Variants in SLC68A1 observed in about 807,000 individuals in gnomAD.
The protein encoded by SLC68A1 is major facilitator superfamily domain containing 13A.
chr10:102,470,819 GGCTTCCTGAC>G, the SLC68A1 span: 64 of 1,613,702 alleles, frequency 4.0e-5, no homozygotes, highest in Non-Finnish European at 5.2e-5. Context: ...CCTCTATGAT[GGCTTCCTGAC>G]GCTCGTGGAC....
At chr10:102,475,624 C>A in the SLC68A1 span, 5 of 1,399,244 alleles carry the variant, frequency 3.6e-6, no homozygotes, top group Non-Finnish European at 3.9e-6. Context: ...CTGGACACGT[C>A]CATGTGGTGT....
At chr10:102,475,718 C>T in the SLC68A1 span, 17 of 1,587,902 alleles carry the variant, frequency 1.1e-5, no homozygotes, top group Admixed American at 2.9e-4. Flanking sequence ...CTCTCTTGTC[C>T]TAGGTCATGA....
chr10:102,464,059 T>A, the SLC68A1 span, among the ~76,000 whole-genome samples: 1 of 152,218 alleles, frequency 6.6e-6, no homozygotes, highest in Non-Finnish European at 1.5e-5. Flanking sequence ...TTGCCCCAGC[T>A]GGTCTCTAAC....
chr10:102,469,919 G>C, the SLC68A1 span: 1 of 1,542,802 alleles, frequency 6.5e-7, no homozygotes, highest in Non-Finnish European at 8.7e-7. Flanking sequence ...GGGGTGGTGA[G>C]CAGGCTGAGG....
the SLC68A1 span, chr10:102,473,533 T>C: frequency 6.4e-7 from 1 of 1,560,040 alleles, no homozygotes; most frequent in Non-Finnish European, 8.7e-7. Flanking sequence ...ACTGCAGCAG[T>C]GCCCTTGACA....
At chr10:102,471,173 T>C in the SLC68A1 span, 1 of 1,603,822 alleles carries the variant, frequency 6.2e-7, no homozygotes, top group African/African-American at 1.3e-5. Flanking sequence ...TAAGTCTGAT[T>C]TCGGTGCTGG....
At chr10:102,470,946 T>C in the SLC68A1 span, 1 of 1,613,424 alleles carries the variant, frequency 6.2e-7, no homozygotes, top group South Asian at 1.1e-5. Flanking sequence ...CTCTCTGTCT[T>C]TGCATCCTAT....
chr10:102,475,787 C>T, the SLC68A1 span: 2 of 1,614,038 alleles, frequency 1.2e-6, no homozygotes, highest in South Asian at 1.1e-5. Context: ...GCCAGAGCCC[C>T]CAGCTCCAGC....
At chr10:102,473,422 T>C in the SLC68A1 span, 1 of 821,080 alleles carries the variant, frequency 1.2e-6, no homozygotes, top group South Asian at 1.7e-5. Flanking sequence ...CTTAAGGGGC[T>C]GTGAAGATGA....
chr10:102,463,006 T>C, the SLC68A1 span, among the ~76,000 whole-genome samples: 1 of 152,072 alleles, frequency 6.6e-6, no homozygotes, highest in Non-Finnish European at 1.5e-5. Flanking sequence ...GGTCTGAAGA[T>C]GACAGTTTTC....
the SLC68A1 span, chr10:102,462,151 A>C: frequency 1.3e-5 from 2 of 152,406 alleles, no homozygotes; most frequent in Non-Finnish European, 2.9e-5. Flanking sequence ...CCACCCCCCA[A>C]CCCTGGTGCT....
At chr10:102,472,464 A>G in the SLC68A1 span, among the ~76,000 whole-genome samples, 1 of 152,084 alleles carries the variant, frequency 6.6e-6, no homozygotes, top group Non-Finnish European at 1.5e-5. Flanking sequence ...GGGTTTCGCC[A>G]TGTTGGCCAT....
At chr10:102,474,401 T>G in the SLC68A1 span, among the ~76,000 whole-genome samples, 1 of 152,096 alleles carries the variant, frequency 6.6e-6, no homozygotes, top group Admixed American at 6.6e-5. Context: ...TGATGTGAGA[T>G]GGCGTGACCA....
chr10:102,469,016 C>G, the SLC68A1 span: 1 of 1,607,742 alleles, frequency 6.2e-7, no homozygotes, highest in Non-Finnish European at 8.5e-7. Context: ...GGGGCTAAGG[C>G]TGGGGCTGCA....
At chr10:102,465,926 G>A in the SLC68A1 span, 2 of 152,326 alleles carry the variant, frequency 1.3e-5, no homozygotes, top group East Asian at 1.9e-4. Flanking sequence ...ACAGGGGGCC[G>A]GGGGCAGTTT....
At chr10:102,466,482 CAAAAA>C in the SLC68A1 span, among the ~76,000 whole-genome samples, 10 of 100,754 alleles carry the variant, frequency 9.9e-5, no homozygotes, top group Non-Finnish European at 7.8e-5. Context: ...GACTCCACCT[CAAAAA>C]AAAAAAAAAA....
At chr10:102,468,837 G>A in the SLC68A1 span, 115 of 572,658 alleles carry the variant, frequency 2.0e-4, no homozygotes, top group African/African-American at 1.9e-3. Flanking sequence ...AATTCCCAGC[G>A]CTGTTGTAAG....
the SLC68A1 span, among the ~76,000 whole-genome samples, chr10:102,462,278 T>C: frequency 6.6e-6 from 1 of 152,184 alleles, no homozygotes; most frequent in African/African-American, 2.4e-5. Context: ...ATTATACCTT[T>C]CATGTTCATT....
chr10:102,469,315 TC>T, the SLC68A1 span: 1 of 966,120 alleles, frequency 1.0e-6, no homozygotes, highest in Non-Finnish European at 1.6e-6. Flanking sequence ...GCCTGGGCAG[TC>T]CAGGTTGTTC....
Sources: allele counts gnomAD v4.1 joint callset (sites outside exome capture counted in the v4.1 genomes callset), GRCh38; gene constraint gnomAD v4.1.1; transcripts MANE v1.5; gene names NCBI Gene and HGNC (gene_info 2026-07-23, HGNC 2026-07-21).